Variants in TBC1D14 observed in about 807,000 individuals in gnomAD.
TBC1D14 encodes the protein TBC1 domain family, member 14.
In TBC1D14, 26 loss-of-function variants were observed where a neutral mutation model predicts 79.0. The observed-to-expected ratio is 0.33, with a 90% CI of 0.24 to 0.46. The LOEUF (loss-of-function observed/expected upper bound fraction) is 0.46, where lower values mean the gene tolerates loss of function less well. Among genes scored for constraint, TBC1D14 ranks in the 20% least tolerant of loss-of-function variants. The pLI, the probability that TBC1D14 is intolerant of heterozygous loss-of-function variation, is 1.00. For missense variants in TBC1D14, 769 were observed against 887.6 expected (o/e 0.87, Z 1.70); for synonymous variants, 394 against 349.9 (o/e 1.13, Z -1.40).
intron 1 of TBC1D14, among the ~76,000 whole-genome samples, chr4:6,915,662 C>T (rs763948620): frequency 6.6e-5 from 10 of 152,060 alleles, no homozygotes; most frequent in African/African-American, 1.2e-4. Flanking sequence ...GAGTTCAGGA[C>T]GGTACCTGGT....
At chr4:7,001,423 G>C in intron 7 of TBC1D14, 172 bp downstream of exon 7, 1 of 603,566 alleles carries the variant, frequency 1.7e-6, no homozygotes, top group Middle Eastern at 4.5e-4. Context: ...TGGGTTTAGT[G>C]CTGTGCACTC....
At chr4:6,925,461 G>A (rs1724219225) in intron 2 of TBC1D14, among the ~76,000 whole-genome samples, 1 of 152,096 alleles carries the variant, frequency 6.6e-6, no homozygotes, top group African/African-American at 2.4e-5. Flanking sequence ...TGTGCCGGCT[G>A]GAGTCAGCTG....
intron 3 of TBC1D14, among the ~76,000 whole-genome samples, chr4:6,979,711 T>C (rs187650855): frequency 6.8e-4 from 104 of 152,062 alleles, no homozygotes; most frequent in African/African-American, 2.5e-3. Flanking sequence ...AATAAAAAGA[T>C]AGAAAAAGAT....
chr4:6,965,364 T>A (rs1715611093), intron 2 of TBC1D14, among the ~76,000 whole-genome samples: 1 of 152,136 alleles, frequency 6.6e-6, no homozygotes, highest in Non-Finnish European at 1.5e-5. Flanking sequence ...CCTCAGCCTT[T>A]CTTTGTTTTC....
At chr4:7,015,811 G>A (rs964018718) in intron 12 of TBC1D14, among the ~76,000 whole-genome samples, 2 of 152,176 alleles carry the variant, frequency 1.3e-5, no homozygotes, top group Non-Finnish European at 2.9e-5. Context: ...TTATCTGGAG[G>A]CCACAGTGAT....
At chr4:6,981,968 T>C (rs918401720) in intron 3 of TBC1D14, among the ~76,000 whole-genome samples, 1 of 152,220 alleles carries the variant, frequency 6.6e-6, no homozygotes, top group South Asian at 2.1e-4. Flanking sequence ...AAGACAAGGA[T>C]GTCCGCTCTT....
At chr4:6,957,827 C>T (rs927914796) in intron 2 of TBC1D14, among the ~76,000 whole-genome samples, 6 of 152,088 alleles carry the variant, frequency 3.9e-5, no homozygotes, top group South Asian at 2.1e-4. Flanking sequence ...TGCTTGAGCC[C>T]GAGAGGTTGA....
rs1442964283 is a variant in TBC1D14, at chr4:7,030,911, AG to A, written c.*523del. On this transcript the variant is annotated 3_prime_UTR_variant, in exon 14 of 14. Coordinates refer to ENST00000409757, the MANE Select transcript of TBC1D14 (RefSeq NM_020773.3). ...CTACGAAAGATAGCATTAAAGGAAC[AG>A]GGGCTCTCTGAGGATGGCCACTGAT... The A allele has an allele frequency of 6.4e-6, 1 of 155,158 alleles. No homozygotes were observed. The highest frequency in any genetic ancestry group is 1.4e-5 in the Non-Finnish European group (1 of 69,798). The allele number at this position is 155,158 out of a possible 1,614,324, so 9.6% of individuals were successfully genotyped here. A position where few individuals can be genotyped will look rare whatever the true frequency, so the allele number is the denominator to read the frequency against.
Position 7,025,193 on chromosome 4 carries a change from G to T in TBC1D14, c.1947G>T (p.Leu649=). 1.2e-6 allele frequency: 2 copies of T among 1,614,246 alleles called. No individual in the cohort carries two copies. The highest frequency in any genetic ancestry group is 1.7e-6 in the Non-Finnish European group (2 of 1,180,050). Residue 649 remains leucine (L), a synonymous_variant, in exon 13 of 14, where the codon CTG becomes CTT. Transcript: ENST00000409757. Reference sequence around the variant, plus strand: ...TCCTGACCCGGCTGCCCGAGGACCTGCCCGCCGAGGAGCTGTTTGCCTCCA... The same window carrying T: ...TCCTGACCCGGCTGCCCGAGGACCTTCCCGCCGAGGAGCTGTTTGCCTCCA... ...AQFLTRLPED[L]PAEELFASIA... is the part of the protein sequence containing the mutation.
chr4:6,987,161 G>A, intron 3 of TBC1D14: 2 of 1,202,546 alleles, frequency 1.7e-6, no homozygotes, highest in Non-Finnish European at 2.1e-6. Flanking sequence ...CGCCGAGCCG[G>A]CAGCGCGGAT....
chr4:6,966,932 C>T (rs374920527), intron 2 of TBC1D14, among the ~76,000 whole-genome samples: 1 of 152,170 alleles, frequency 6.6e-6, no homozygotes, highest in African/African-American at 2.4e-5. Flanking sequence ...GCCTCAGCCT[C>T]CCGAGTAGCT....
In TBC1D14 at chr4:6,994,213, C is replaced by A; in HGVS notation, c.873C>A (p.Ser291Arg). Residue 291 changes from serine (S) to arginine (R), a missense_variant, in exon 4 of 14, where the codon AGC becomes AGA. By Grantham distance (110) the Ser-to-Arg change is moderately radical. Around this residue, in one of 2 missense-constraint regions of TBC1D14, gnomAD observed 402 missense variants for 393.2 expected, o/e 1.02. Coordinates refer to ENST00000409757, the MANE Select transcript of TBC1D14 (RefSeq NM_020773.3). ...KEYEDKAGRP[S>R]KPPSPKQNVR... Reference sequence around the variant, plus strand: ...ATGAAGACAAGGCTGGAAGACCTAGCAAGCCACCCTCTCCAAAGCAGAATG... The same window carrying A: ...ATGAAGACAAGGCTGGAAGACCTAGAAAGCCACCCTCTCCAAAGCAGAATG... 1 of 1,614,216 alleles carries A rather than the reference C, an allele frequency of 6.2e-7. No individual in the cohort carries two copies. The highest frequency in any genetic ancestry group is 1.1e-5 in the South Asian group (1 of 91,090).
At chr4:7,008,643 C>G (rs1352180641) in intron 9 of TBC1D14, among the ~76,000 whole-genome samples, 1 of 152,182 alleles carries the variant, frequency 6.6e-6, no homozygotes, top group African/African-American at 2.4e-5. Context: ...GAACTCCTGA[C>G]CTCGTGATCA....
In TBC1D14 at chr4:6,946,517, A is replaced by G. The variant is rs546575977; in HGVS notation, c.723-20787A>G. On this transcript the variant is annotated intron_variant, in intron 2 of 13. Coordinates refer to ENST00000409757, the MANE Select transcript of TBC1D14 (RefSeq NM_020773.3). The stretch of plus-strand genomic sequence containing the variant: ...GTATTATTTTTGGTAGAGACGGGGT[A>G]TCATCATGTTGGTCATGCTGGTCTC... 8.5e-5 allele frequency among the ~76,000 whole-genome samples: 13 copies of G among 152,146 alleles called. No homozygotes were observed. In the South Asian group the frequency reaches 2.5e-3, roughly 29 times the overall value.
rs777410545 is a variant in TBC1D14 at position 6,967,318 on chromosome 4, G to C, written c.737G>C (p.Arg246Thr). 4 of 1,613,698 alleles carry C rather than the reference G, an allele frequency of 2.5e-6. No homozygotes were observed. The highest frequency in any genetic ancestry group is 2.7e-5 in the African/African-American group (2 of 74,870). Residue 246 changes from arginine to threonine, a missense_variant, in exon 3 of 14, where the codon AGA (arginine) becomes ACA (threonine). Transcript: ENST00000409757. ...TCTTCCTATAGGAACTTGCTTGCTAGAAAACAAAGTGCAAGGCTTGACAAA... is the reference window on the plus strand; with the variant it reads ...TCTTCCTATAGGAACTTGCTTGCTACAAAACAAAGTGCAAGGCTTGACAAA... The part of the protein sequence containing the change: ...SNFFARNLLA[R>T]KQSARLDKHN...
intron 3 of TBC1D14, among the ~76,000 whole-genome samples, chr4:6,982,921 A>G (rs1344377599): frequency 1.3e-5 from 2 of 152,246 alleles, no homozygotes; most frequent in Admixed American, 1.3e-4. Flanking sequence ...ATTTCTTTGG[A>G]GAGGAGAACA....
At chr4:7,003,770 CA>C (rs1480803611) in intron 7 of TBC1D14, among the ~76,000 whole-genome samples, 7 of 150,604 alleles carry the variant, frequency 4.6e-5, no homozygotes, top group Admixed American at 2.6e-4. Flanking sequence ...GAGGTTGTGG[CA>C]GGGGGGAATC....
At chr4:6,927,140 G>GTCCT (rs540677786) in intron 2 of TBC1D14, among the ~76,000 whole-genome samples, 93 of 152,328 alleles carry the variant, frequency 6.1e-4, no homozygotes, top group African/African-American at 1.9e-3. Flanking sequence ...GCTTGCATTT[G>GTCCT]TCCTTCACCC....
At chr4:6,913,665 C>T (rs199982498) in intron 1 of TBC1D14, among the ~76,000 whole-genome samples, 3 of 152,196 alleles carry the variant, frequency 2.0e-5, no homozygotes, top group East Asian at 1.9e-4. Context: ...AATTATTTCT[C>T]TTATGAATAA....
Sources: gnomAD v4.1 joint callset for allele counts (sites outside exome capture counted in the v4.1 genomes callset) on GRCh38, gnomAD v4.1.1 for gene constraint, gnomAD v4.1.1 regional missense constraint, MANE v1.5 for transcripts, NCBI Gene and HGNC (gene_info 2026-07-23, HGNC 2026-07-21) for gene names.